PRKG1: variants seen among roughly 807,000 people sequenced by gnomAD.
PRKG1 encodes the protein protein kinase cGMP-dependent 1.
A neutral mutation model predicts 88.1 loss-of-function variants in PRKG1; 35 were observed. That is an observed-to-expected ratio of 0.40 (90% CI 0.30 to 0.53). The LOEUF is 0.53. Among genes scored for constraint, PRKG1 ranks in the 20% least tolerant of loss-of-function variants. The probability of loss-of-function intolerance (pLI) is 0.59; values close to 1 mark genes in which losing one functional copy is unlikely to be tolerated. For missense variants in PRKG1, 540 were observed against 839.8 expected, an observed-to-expected ratio of 0.64 and a Z score of 4.41; for synonymous variants, 303 against 292.5, an observed-to-expected ratio of 1.04 and a Z score of -0.37.
At chr10:52,089,663 G>A (rs1189268299) in intron 7 of PRKG1, among the ~76,000 whole-genome samples, 2 of 152,060 alleles carry the variant, frequency 1.3e-5, no homozygotes, top group African/African-American at 4.8e-5. Context: ...CAGATAAGTA[G>A]AGAAACAAGT....
intron 3 of PRKG1, among the ~76,000 whole-genome samples, chr10:51,649,676 G>A (rs1337822603): frequency 6.6e-6 from 1 of 152,192 alleles, no homozygotes; most frequent in East Asian, 1.9e-4. Flanking sequence ...ACAGAAGAAC[G>A]AAAGCAGGGA....
intron 9 of PRKG1, among the ~76,000 whole-genome samples, chr10:52,219,773 C>A (rs1317631615): frequency 6.6e-6 from 1 of 151,998 alleles, no homozygotes; most frequent in Non-Finnish European, 1.5e-5. Context: ...CTTTTTGCTA[C>A]CAAACACTGG....
intron 3 of PRKG1, among the ~76,000 whole-genome samples, chr10:51,639,688 G>A (rs1048409980): frequency 3.3e-5 from 5 of 150,822 alleles, no homozygotes; most frequent in Non-Finnish European, 7.4e-5. Context: ...TCCATATACA[G>A]ATTTATATAT....
At chr10:51,826,841 A>G (rs1255225676) in intron 4 of PRKG1, among the ~76,000 whole-genome samples, 1 of 152,212 alleles carries the variant, frequency 6.6e-6, no homozygotes, top group Non-Finnish European at 1.5e-5. Context: ...TTATTAAAAT[A>G]TAGCACAATA....
chr10:51,646,841 T>C (rs550636810), intron 3 of PRKG1, among the ~76,000 whole-genome samples: 63 of 152,180 alleles, frequency 4.1e-4, no homozygotes, highest in Non-Finnish European at 7.4e-4. Context: ...GGTGCCTAGA[T>C]GAAATTATTC....
At chr10:52,058,919 T>C (rs1846171820) in intron 6 of PRKG1, among the ~76,000 whole-genome samples, 1 of 151,928 alleles carries the variant, frequency 6.6e-6, no homozygotes, top group African/African-American at 2.4e-5. Context: ...GGGGTTTGTA[T>C]TGATCCTATC....
At chr10:51,352,723 A>G (rs957583504) in intron 2 of PRKG1, among the ~76,000 whole-genome samples, 8 of 152,166 alleles carry the variant, frequency 5.3e-5, no homozygotes, top group Non-Finnish European at 1.0e-4. Flanking sequence ...ATCCCTATGA[A>G]AATACTAATG....
intron 2 of PRKG1, among the ~76,000 whole-genome samples, chr10:51,397,592 C>T (rs1056293652): frequency 1.3e-5 from 2 of 152,116 alleles, no homozygotes; most frequent in South Asian, 4.1e-4. Context: ...TTCTGACCTC[C>T]TTTGACTATT....
chr10:51,869,246 GTA>G (rs1349730297), intron 4 of PRKG1, among the ~76,000 whole-genome samples: 1 of 152,088 alleles, frequency 6.6e-6, no homozygotes, highest in African/African-American at 2.4e-5. Flanking sequence ...GCCATAACTA[GTA>G]ATCCCATCAT....
At chr10:51,127,809 G>A (rs1045771217) in intron 1 of PRKG1, among the ~76,000 whole-genome samples, 2 of 152,134 alleles carry the variant, frequency 1.3e-5, no homozygotes, top group African/African-American at 4.8e-5. Flanking sequence ...CCCTTTGCAG[G>A]GACATAGATG....
At chr10:52,005,605 G>A (rs1844714060) in intron 5 of PRKG1, among the ~76,000 whole-genome samples, 1 of 152,138 alleles carries the variant, frequency 6.6e-6, no homozygotes, top group Non-Finnish European at 1.5e-5. Context: ...AGTAACATGG[G>A]CATTTCCACC....
At chr10:51,568,928 G>T (rs576043290) in intron 3 of PRKG1, 1 of 152,200 alleles carries the variant, frequency 6.6e-6, no homozygotes, top group South Asian at 2.1e-4. Context: ...TGGCTATGAG[G>T]ATAGGGAGGT....
intron 3 of PRKG1, among the ~76,000 whole-genome samples, chr10:51,507,206 A>G (rs1369989057): frequency 1.3e-5 from 2 of 152,016 alleles, no homozygotes; most frequent in Non-Finnish European, 2.9e-5. Context: ...ATGTTAAATG[A>G]CAAGTTAATG....
At chr10:52,038,334 A>T (rs1740561301) in intron 5 of PRKG1, among the ~76,000 whole-genome samples, 1 of 149,878 alleles carries the variant, frequency 6.7e-6, no homozygotes. Flanking sequence ...GTGGGAAAAG[A>T]GGTTGGGGCG....
At chr10:51,526,918 T>C (rs1841898591) in intron 3 of PRKG1, among the ~76,000 whole-genome samples, 1 of 152,188 alleles carries the variant, frequency 6.6e-6, no homozygotes, top group Non-Finnish European at 1.5e-5. Context: ...TCCTCCATGC[T>C]CTTTGGAGCC....
At chr10:51,126,393 AT>A (rs1845419301) in intron 1 of PRKG1, among the ~76,000 whole-genome samples, 1 of 134,006 alleles carries the variant, frequency 7.5e-6, no homozygotes, top group Non-Finnish European at 1.6e-5. Flanking sequence ...TATATTTATA[AT>A]TATTTATATA....
chr10:51,328,050 A>G (rs1841637779), intron 2 of PRKG1, among the ~76,000 whole-genome samples: 1 of 152,202 alleles, frequency 6.6e-6, no homozygotes, highest in African/African-American at 2.4e-5. Flanking sequence ...ATGAGGTTAT[A>G]CAATAGATTT....
intron 1 of PRKG1, among the ~76,000 whole-genome samples, chr10:51,088,044 G>T (rs4935221): frequency 0.48 from 72,915 of 151,952 alleles, 19,428 homozygotes; most frequent in South Asian, 0.67. Context: ...GGATTACAGG[G>T]GTGAGCCACT....
intron 3 of PRKG1, among the ~76,000 whole-genome samples, chr10:51,659,429 C>T (rs868258326): frequency 1.3e-5 from 2 of 152,032 alleles, no homozygotes; most frequent in Admixed American, 1.3e-4. Context: ...GCTGGGAGAA[C>T]AGCATGAGCT....
Sources: gnomAD v4.1 joint callset for allele counts (sites outside exome capture counted in the v4.1 genomes callset) on GRCh38, gnomAD v4.1.1 for gene constraint, MANE v1.5 for transcripts, NCBI Gene and HGNC (gene_info 2026-07-23, HGNC 2026-07-21) for gene names.